The following C8A variants were observed in gnomAD, a reference collection of about 807,000 sequenced individuals.
C8A encodes complement C8 alpha chain, also known as complement component C8 alpha chain.
Under a neutral mutation model 65.3 loss-of-function variants are expected in C8A, and 67 were observed. The ratio of observed to expected loss-of-function variants is 1.03; its 90% CI spans 0.84 to 1.26. The LOEUF is 1.26. C8A is among the 50% of genes most tolerant of loss of function. The probability of loss-of-function intolerance (pLI) is 0.00; values close to 1 mark genes in which losing one functional copy is unlikely to be tolerated. For synonymous variants in C8A, 290 were observed against 259.4 expected (o/e 1.12, Z -1.13); for missense variants, 781 against 723.9 (o/e 1.08, Z -0.90).
chr1:56,897,620 G>A (rs1644396174), intron 7 of C8A, among the ~76,000 whole-genome samples: 1 of 152,144 alleles, frequency 6.6e-6, no homozygotes, highest in Non-Finnish European at 1.5e-5. Flanking sequence ...AGAGTGATTG[G>A]GGTGGGAAAG....
intron 7 of C8A, among the ~76,000 whole-genome samples, chr1:56,894,100 A>C (rs961297971): frequency 6.6e-6 from 1 of 152,150 alleles, no homozygotes; most frequent in Admixed American, 6.5e-5. Flanking sequence ...AATTACAGTT[A>C]TCAACTCTGG....
intron 1 of C8A, among the ~76,000 whole-genome samples, chr1:56,864,370 A>G (rs148462545): frequency 6.6e-6 from 1 of 152,136 alleles, no homozygotes; most frequent in Non-Finnish European, 1.5e-5. Flanking sequence ...ACTGGTTATA[A>G]AGGTAAATAA....
chr1:56,908,100 T>C lies in C8A; in HGVS notation c.1367T>C (p.Val456Ala), dbSNP rs771725839. Residue 456 changes from valine (V) to alanine (A), a missense_variant, in exon 9 of 11, where the codon GTT becomes GCT. Transcript: ENST00000361249. Reference sequence around the variant, plus strand: ...AGGTCATTAAAGTATAATCCTGTTGTTATCGATTTTGAGGTAAGTCTTTTC... The same window carrying C: ...AGGTCATTAAAGTATAATCCTGTTGCTATCGATTTTGAGGTAAGTCTTTTC... The part of the protein sequence containing the change: ...WGRSLKYNPV[V>A]IDFEMQPIHE... The C allele has an allele frequency of 3.7e-6, 6 of 1,614,034 alleles. No homozygotes were observed. Among genetic ancestry groups the C allele is most frequent in the Non-Finnish European group, 5.1e-6 (6 of 1,180,018 alleles).
At chr1:56,910,148 T>G (rs1644494797) in intron 9 of C8A, among the ~76,000 whole-genome samples, 1 of 152,248 alleles carries the variant, frequency 6.6e-6, no homozygotes, top group African/African-American at 2.4e-5. Context: ...AACAGCATGT[T>G]ATTCACTTGC....
intron 9 of C8A, among the ~76,000 whole-genome samples, chr1:56,909,155 G>C (rs1049117573): frequency 6.6e-6 from 1 of 152,226 alleles, no homozygotes; most frequent in Non-Finnish European, 1.5e-5. Context: ...CACAAAGGAA[G>C]TGATTGTTCT....
chr1:56,856,435 T>C (rs1037528941), intron 1 of C8A, among the ~76,000 whole-genome samples: 2 of 152,152 alleles, frequency 1.3e-5, no homozygotes, highest in Non-Finnish European at 2.9e-5. Context: ...AGTGCTGCTG[T>C]GTGATTGTTA....
chr1:56,916,249 T>G (rs1263707540), intron 10 of C8A, among the ~76,000 whole-genome samples: 1 of 152,222 alleles, frequency 6.6e-6, no homozygotes, highest in South Asian at 2.1e-4. Flanking sequence ...GGCAGTGCAG[T>G]TAGTTCATTG....
intron 7 of C8A, among the ~76,000 whole-genome samples, chr1:56,894,821 AG>A (rs1175711525): frequency 6.6e-6 from 1 of 152,118 alleles, no homozygotes; most frequent in Non-Finnish European, 1.5e-5. Context: ...ATAGAAAGTA[AG>A]GGGGTTTCTC....
intron 1 of C8A, among the ~76,000 whole-genome samples, chr1:56,859,405 A>G (rs563614460): frequency 1.3e-5 from 2 of 152,356 alleles, no homozygotes; most frequent in South Asian, 4.1e-4. Flanking sequence ...TAGAAGATCC[A>G]TGTATATGGC....
chr1:56,902,926 G>A (rs1469339307), intron 7 of C8A, among the ~76,000 whole-genome samples: 1 of 152,042 alleles, frequency 6.6e-6, no homozygotes, highest in African/African-American at 2.4e-5. Context: ...CCTAATCTAT[G>A]GAGAGGAGAG....
At chr1:56,881,790 G>A (rs1644250632) in intron 5 of C8A, among the ~76,000 whole-genome samples, 156 bp downstream of exon 5, 1 of 152,290 alleles carries the variant, frequency 6.6e-6, no homozygotes, top group South Asian at 2.1e-4. Context: ...CACATGCTTA[G>A]TGTCGAAGGG....
intron 4 of C8A, among the ~76,000 whole-genome samples, chr1:56,879,031 T>C (rs944999578): frequency 4.6e-5 from 7 of 152,214 alleles, no homozygotes; most frequent in Non-Finnish European, 8.8e-5. Flanking sequence ...TAGCAAACTA[T>C]GGCCTGAAGG....
rs1283202356 is a variant in C8A at position 56,917,967 on chromosome 1, T to C, written c.*251T>C. On this transcript the variant is annotated 3_prime_UTR_variant, in exon 11 of 11. Coordinates refer to ENST00000361249, the MANE Select transcript of C8A (RefSeq NM_000562.3). ...GAAGCTCTGTCCTACTTACAGCACT[T>C]TGGATCATCAAAAAAATAAAGTAAA... 19 of 420,104 alleles carry C rather than the reference T, an allele frequency of 4.5e-5. No homozygotes were observed. The Admixed American group carries it at 4.9e-4, about 11-fold the overall frequency. 26.0% of individuals were successfully genotyped at this position (420,104 alleles called of 1,614,324 possible). A position where few individuals can be genotyped will look rare whatever the true frequency, so the allele number is the denominator to read the frequency against.
At chr1:56,875,201 G>A in intron 3 of C8A, 108 bp downstream of exon 3, 1 of 1,335,518 alleles carries the variant, frequency 7.5e-7, no homozygotes, top group Non-Finnish European at 1.0e-6. Flanking sequence ...TTCCTCTCGA[G>A]GTTGCCATTC....
chr1:56,917,526 T>A, intron 10 of C8A, 39 bp from the exon 11 acceptor site: 1 of 1,612,266 alleles, frequency 6.2e-7, no homozygotes. Flanking sequence ...TTCTTAGCCA[T>A]ATGCTAACCT....
intron 4 of C8A, among the ~76,000 whole-genome samples, chr1:56,877,132 C>T (rs1400492414): frequency 6.6e-6 from 1 of 152,202 alleles, no homozygotes; most frequent in Non-Finnish European, 1.5e-5. Flanking sequence ...GAAAAGGCGG[C>T]TGTCTTTGAG....
At chr1:56,913,000 C>T (rs1039063913) in intron 10 of C8A, among the ~76,000 whole-genome samples, 1 of 152,140 alleles carries the variant, frequency 6.6e-6, no homozygotes, top group Non-Finnish European at 1.5e-5. Context: ...GGTGTGTTGG[C>T]TAGGTTGGTT....
intron 1 of C8A, among the ~76,000 whole-genome samples, chr1:56,860,111 A>G (rs1644018354): frequency 6.6e-6 from 1 of 152,160 alleles, no homozygotes; most frequent in Non-Finnish European, 1.5e-5. Context: ...TGAAGGAAAT[A>G]AATGGGGCCC....
At chr1:56,861,605 A>G (rs951111186) in intron 1 of C8A, among the ~76,000 whole-genome samples, 6 of 152,186 alleles carry the variant, frequency 3.9e-5, no homozygotes, top group Non-Finnish European at 8.8e-5. Context: ...TATTACACTC[A>G]TGCAATCAAC....
Sources: gnomAD v4.1 joint callset for allele counts (sites outside exome capture counted in the v4.1 genomes callset) on GRCh38, gnomAD v4.1.1 for gene constraint, MANE v1.5 for transcripts, NCBI Gene and HGNC (gene_info 2026-07-23, HGNC 2026-07-21) for gene names.